The following ATMIN variants were observed in gnomAD, a reference collection of about 807,000 sequenced individuals.
ATMIN encodes the protein ATM INteracting protein.
ATMIN carries 24 observed loss-of-function variants against 49.2 expected under a neutral mutation model. The ratio of observed to expected loss-of-function variants is 0.49; its 90% CI spans 0.35 to 0.69. The LOEUF (loss-of-function observed/expected upper bound fraction) is 0.69. ATMIN is among the 30% of genes least tolerant of loss of function. The probability of loss-of-function intolerance (pLI) is 0.00; values close to 1 mark genes in which losing one functional copy is unlikely to be tolerated. For synonymous variants in ATMIN, 450 were observed against 392.5 expected, an observed-to-expected ratio of 1.15 and a Z score of -1.73; for missense variants, 1,037 against 1,005.5, an observed-to-expected ratio of 1.03 and a Z score of -0.42.
intron 2 of ATMIN, chr16:81,041,747 G>A (rs1038381796): frequency 2.2e-5 from 7 of 312,700 alleles, no homozygotes; most frequent in Non-Finnish European, 4.1e-5. Flanking sequence ...ATGTTTGCTC[G>A]CAGATCTCCT....
Position 81,047,095 on chromosome 16 carries a change from A to C in ATMIN, c.*2125A>C, listed in dbSNP as rs1406402295. On this transcript the variant is annotated 3_prime_UTR_variant, in exon 4 of 4. Transcript: ENST00000299575. Reference sequence around the variant, plus strand: ...GCTTAAAAAATTTGTTTCTGTGACAATGTTTGTAAATCTAGCCAATAGAGT... The same window carrying C: ...GCTTAAAAAATTTGTTTCTGTGACACTGTTTGTAAATCTAGCCAATAGAGT... The C allele has an allele frequency of 6.6e-6, 1 of 152,638 alleles. No homozygotes were observed. The highest frequency in any genetic ancestry group is 6.5e-5 in the Admixed American group (1 of 15,288). The allele number at this position is 152,638 out of a possible 1,614,324, so 9.5% of individuals were successfully genotyped here.
chr16:81,041,549 A>G, intron 2 of ATMIN, 68 bp downstream of exon 2: 1 of 1,545,578 alleles, frequency 6.5e-7, no homozygotes, highest in South Asian at 1.2e-5. Context: ...TACTTAGCAG[A>G]CATAACTACA....
At chr16:81,037,665 T>G (rs1357734966) in intron 1 of ATMIN, among the ~76,000 whole-genome samples, 11 of 152,244 alleles carry the variant, frequency 7.2e-5, no homozygotes. Flanking sequence ...AGACAGAGTC[T>G]CACTCCATCA....
intron 1 of ATMIN, among the ~76,000 whole-genome samples, chr16:81,037,856 C>A (rs1307756590): frequency 1.3e-5 from 2 of 152,050 alleles, no homozygotes; most frequent in African/African-American, 2.4e-5. Context: ...CCAGCTTGGT[C>A]TCGAACTCCT....
At chr16:81,037,910 G>C (rs1970972550) in intron 1 of ATMIN, among the ~76,000 whole-genome samples, 1 of 152,070 alleles carries the variant, frequency 6.6e-6, no homozygotes. Flanking sequence ...AAAGTGCTGG[G>C]ATTCCAGGTG....
At chr16:81,036,475 G>A (rs1045534403) in intron 1 of ATMIN, among the ~76,000 whole-genome samples, 1 of 152,244 alleles carries the variant, frequency 6.6e-6, no homozygotes, top group African/African-American at 2.4e-5. Flanking sequence ...CCCTGGCCCC[G>A]AGTGTCGTGC....
rs114702670 is a variant in ATMIN at position 81,039,485 on chromosome 16, G to A, written c.337-1871G>A. The stretch of plus-strand genomic sequence containing the variant: ...ATGGGTGAGAATGAGGAATTGGATT[G>A]CAAACTGTAGAGTATGTGCCGCCTT... On this transcript the variant is annotated intron_variant, in intron 1 of 3. Transcript: ENST00000299575. 5.8e-3 allele frequency among the ~76,000 whole-genome samples: 887 copies of A among 152,244 alleles called. 7 individuals carry two copies. Among genetic ancestry groups the A allele is most frequent in the African/African-American group, 0.02 (838 of 41,520 alleles).
chr16:81,036,006 G>C lies in ATMIN; in HGVS notation c.136G>C (p.Gly46Arg). The change falls in exon 1 of 4, where the codon GGC becomes CGC. Residue 46 changes from glycine (G) to arginine (R), a missense_variant. Coordinates refer to ENST00000299575, the MANE Select transcript of ATMIN (RefSeq NM_015251.3). Reference protein sequence around the residue: ...PWVPPGPRLRGSRPRPAGATQ... With the variant: ...PWVPPGPRLRRSRPRPAGATQ... ...GGTGCCCCCGGGACCCCGACTGAGG[G>C]GCAGCCGGCCGCGGCCCGCGGGGGC... 4.4e-6 allele frequency: 5 copies of C among 1,139,728 alleles called. No individual in the cohort carries two copies. The highest frequency in any genetic ancestry group is 5.4e-6 in the Non-Finnish European group (5 of 928,590). The allele number at this position is 1,139,728 out of a possible 1,614,324, so 70.6% of individuals were successfully genotyped here.
At position 81,044,527 on chromosome 16, in the gene ATMIN, T is replaced by C. The variant is rs1971087570; in HGVS notation, c.2029T>C (p.Leu677=). 2.5e-6 allele frequency: 4 copies of C among 1,614,116 alleles called. No individual in the cohort carries two copies. Among genetic ancestry groups the C allele is most frequent in the Non-Finnish European group, 3.4e-6 (4 of 1,180,022 alleles). Residue 677 remains leucine (L), a synonymous_variant, in exon 4 of 4, where the codon TTA becomes CTA. Transcript: ENST00000299575. ...SLDIETQTDF[L]LADTSAQSYG... ...GGACATAGAGACTCAAACGGACTTC[T>C]TACTCGCAGATACCTCTGCTCAGTC...
chr16:81,037,552 G>C lies in ATMIN; in HGVS notation c.336+1346G>C, dbSNP rs967001060. ...TCTGGGTTTCTTTCAGCACTCAAGTGTAACTCTGGGAATGGCTTTCAACCT... is the reference window on the plus strand; with the variant it reads ...TCTGGGTTTCTTTCAGCACTCAAGTCTAACTCTGGGAATGGCTTTCAACCT... On this transcript the variant is annotated intron_variant, in intron 1 of 3. Transcript: ENST00000299575. 4.3e-6 allele frequency: 4 copies of C among 934,844 alleles called. No homozygotes were observed. In the African/African-American group the frequency reaches 7.1e-5, roughly 17 times the overall value. 57.9% of individuals were successfully genotyped at this position (934,844 alleles called of 1,614,324 possible).
intron 1 of ATMIN, chr16:81,037,306 A>G (rs1270976045): frequency 1.0e-6 from 1 of 985,352 alleles, no homozygotes; most frequent in African/African-American, 1.7e-5. Context: ...CTGTCTGCCC[A>G]TAGTCAGGCT....
chr16:81,041,460 T>A lies in ATMIN; in HGVS notation c.441T>A (p.Ser147=). 1 of 1,609,390 alleles carries A rather than the reference T, an allele frequency of 6.2e-7. No individual in the cohort carries two copies. Among genetic ancestry groups the A allele is most frequent in the Non-Finnish European group, 8.5e-7 (1 of 1,178,980 alleles). The change falls in exon 2 of 4, where the codon TCT becomes TCA. Residue 147 remains serine (S), a synonymous_variant. Coordinates refer to ENST00000299575, the MANE Select transcript of ATMIN (RefSeq NM_015251.3). ...GCPRGPERPF[S]QFSLVKQHFM... ...CCAGAGGCCCTGAGAGACCGTTTTC[T>A]CAGTTTTCTCTCGTAAAACAGGTAC...
chr16:81,044,200 T>G lies in ATMIN; in HGVS notation c.1702T>G (p.Phe568Val). 6.2e-7 allele frequency: 1 copy of G among 1,614,124 alleles called. No individual in the cohort carries two copies. The highest frequency in any genetic ancestry group is 2.2e-5 in the East Asian group (1 of 44,882). Residue 568 changes from phenylalanine to valine, a missense_variant, in exon 4 of 4, where the codon TTC becomes GTC. Phe to Val is a conservative substitution (Grantham distance 50). Coordinates refer to ENST00000299575, the MANE Select transcript of ATMIN (RefSeq NM_015251.3). The stretch of plus-strand genomic sequence containing the variant: ...TGAGAAATCTGCACCAATTATAAAT[T>G]TCAGTGCACAGAATAGTATGCTTCC... ...DIEKSAPIIN[F>V]SAQNSMLPSQ... is the part of the protein sequence containing the mutation.
Position 81,044,885 on chromosome 16 carries a change from A to T in ATMIN, c.2387A>T (p.Asp796Val), listed in dbSNP as rs754676077. 3 of 1,614,072 alleles carry T rather than the reference A, an allele frequency of 1.9e-6. No homozygotes were observed. The highest frequency in any genetic ancestry group is 3.3e-5 in the Admixed American group (2 of 59,994). ...QTAMDDFLLA[D>V]LAWNTMESQF... Reference sequence around the variant, plus strand: ...GCAATGGATGACTTTCTTCTGGCTGATCTGGCCTGGAACACGATGGAGTCT... The same window carrying T: ...GCAATGGATGACTTTCTTCTGGCTGTTCTGGCCTGGAACACGATGGAGTCT... Residue 796 changes from aspartate (D) to valine (V), a missense_variant, in exon 4 of 4, where the codon GAT (aspartate) becomes GTT (valine). By Grantham distance (152) the Asp-to-Val change is radical (BLOSUM62 -3). Coordinates refer to ENST00000299575, the MANE Select transcript of ATMIN (RefSeq NM_015251.3).
rs1971134675 is a variant in ATMIN, at chr16:81,047,118, A to G, written c.*2148A>G. On this transcript the variant is annotated 3_prime_UTR_variant, in exon 4 of 4. Transcript: ENST00000299575. ...CAATGTTTGTAAATCTAGCCAATAG[A>G]GTCATTTACAGAAGAAAAATGAGCA... The G allele has an allele frequency of 6.6e-6, 1 of 152,664 alleles. No individual in the cohort carries two copies. 9.5% of individuals were successfully genotyped at this position (152,664 alleles called of 1,614,324 possible).
At position 81,045,633 on chromosome 16, in the gene ATMIN, G is replaced by GTA. The variant is rs1280945998; in HGVS notation, c.*664_*665dup. The GTA allele has an allele frequency of 2.0e-5, 3 of 152,268 alleles. No homozygotes were observed. Among genetic ancestry groups the GTA allele is most frequent in the Non-Finnish European group, 4.4e-5 (3 of 68,128 alleles). 9.4% of individuals were successfully genotyped at this position (152,268 alleles called of 1,614,324 possible). A position where few individuals can be genotyped will look rare whatever the true frequency, so the allele number is the denominator to read the frequency against. ...CTACTATTGATACCAGCATACAAGT[G>GTA]TACAGCACTTTACACACAAGAGGTT... On this transcript the variant is annotated 3_prime_UTR_variant, in exon 4 of 4. Transcript: ENST00000299575.
rs2151742306 is a variant in ATMIN at position 81,046,560 on chromosome 16, A to G, written c.*1590A>G. ...TTTTGAGGTAGGAGCATGATCAAGTATGCTTTGGGGATTTTCTGTATTTAG... is the reference window on the plus strand; with the variant it reads ...TTTTGAGGTAGGAGCATGATCAAGTGTGCTTTGGGGATTTTCTGTATTTAG... On this transcript the variant is annotated 3_prime_UTR_variant, in exon 4 of 4. Transcript: ENST00000299575. 1 of 152,174 alleles carries G rather than the reference A, an allele frequency of 6.6e-6. No homozygotes were observed. The highest frequency in any genetic ancestry group is 1.9e-4 in the East Asian group (1 of 5,174). The allele number at this position is 152,174 out of a possible 1,614,324, so 9.4% of individuals were successfully genotyped here.
At position 81,045,006 on chromosome 16, in the gene ATMIN, A is replaced by C; in HGVS notation, c.*36A>C. 6.3e-7 allele frequency: 1 copy of C among 1,584,018 alleles called. No homozygotes were observed. The highest frequency in any genetic ancestry group is 8.6e-7 in the Non-Finnish European group (1 of 1,163,746). On this transcript the variant is annotated 3_prime_UTR_variant, in exon 4 of 4. Transcript: ENST00000299575. ...GGAGTCCATGTGTGAAATGGCATCT[A>C]CCATTTCCTCTGGATTAAAACTACG...
chr16:81,041,366 T>C lies in ATMIN; in HGVS notation c.347T>C (p.Val116Ala). Residue 116 changes from valine to alanine, a missense_variant, in exon 2 of 4, where the codon GTC (valine) becomes GCC (alanine). Transcript: ENST00000299575. ...ATTTTCCTTTTGCAGGATGGCATAG[T>C]CAATCCAACAATAAGAAAAGATTTG... ...VKSHRLQDGI[V>A]NPTIRKDLKT... 1.2e-6 allele frequency: 2 copies of C among 1,611,598 alleles called. No homozygotes were observed. The highest frequency in any genetic ancestry group is 1.7e-6 in the Non-Finnish European group (2 of 1,179,428).
Sources: gnomAD v4.1 joint callset for allele counts (sites outside exome capture counted in the v4.1 genomes callset) on GRCh38, gnomAD v4.1.1 for gene constraint, MANE v1.5 for transcripts, NCBI Gene and HGNC (gene_info 2026-07-23, HGNC 2026-07-21) for gene names.